The following SLC44A5 variants were observed in gnomAD, a reference collection of about 807,000 sequenced individuals.
SLC44A5 encodes the protein choline transporter-like protein 5.
A neutral mutation model predicts 101.8 loss-of-function variants in SLC44A5; 57 were observed. The ratio of observed to expected loss-of-function variants is 0.56; its 90% CI spans 0.45 to 0.70. The LOEUF is 0.70. Among genes scored for constraint, SLC44A5 ranks in the 30% least tolerant of loss-of-function variants. The pLI is 0.00. For synonymous variants in SLC44A5, 281 were observed against 290.9 expected, an observed-to-expected ratio of 0.97 and a Z score of 0.35; for missense variants, 737 against 853.1, an observed-to-expected ratio of 0.86 and a Z score of 1.70.
upstream of SLC44A5, among the ~76,000 whole-genome samples, chr1:75,615,436 TACACACACACACACAC>T (rs56337760): frequency 0.065 from 8,683 of 133,534 alleles, 326 homozygotes; most frequent in Middle Eastern, 0.13. Context: ...CACACATACA[TACACACACACACACAC>T]ACACACACAC....
chr1:75,512,935 A>C (rs546958864), intron 2 of SLC44A5, among the ~76,000 whole-genome samples: 14 of 152,344 alleles, frequency 9.2e-5, no homozygotes, highest in African/African-American at 3.4e-4. Flanking sequence ...TGGGCTGATC[A>C]TAGTATTCGG....
At chr1:75,528,959 C>T (rs540247344) in intron 2 of SLC44A5, among the ~76,000 whole-genome samples, 35 of 152,274 alleles carry the variant, frequency 2.3e-4, no homozygotes, top group African/African-American at 7.0e-4. Flanking sequence ...TTAAGCAACT[C>T]GCTTCTGTGT....
intron 2 of SLC44A5, among the ~76,000 whole-genome samples, chr1:75,408,923 C>T (rs1663091324): frequency 6.6e-6 from 1 of 152,042 alleles, no homozygotes; most frequent in Non-Finnish European, 1.5e-5. Context: ...AATGCCTTTC[C>T]TTACAGACCA....
chr1:75,684,579 C>G, the SLC44A5 span, among the ~76,000 whole-genome samples: 1 of 152,302 alleles, frequency 6.6e-6, no homozygotes, highest in East Asian at 1.9e-4. Context: ...CTACAGGCCC[C>G]ATGCAAGTCC....
intron 3 of SLC44A5, among the ~76,000 whole-genome samples, chr1:75,394,761 G>A (rs1416230074): frequency 3.9e-5 from 6 of 152,086 alleles, no homozygotes; most frequent in Admixed American, 1.3e-4. Context: ...AAAAAGAAGT[G>A]TAAATGTGGA....
intron 12 of SLC44A5, among the ~76,000 whole-genome samples, chr1:75,233,146 A>T (rs1647745084): frequency 6.6e-6 from 1 of 152,144 alleles, no homozygotes; most frequent in South Asian, 2.1e-4. Flanking sequence ...AGCTCACATT[A>T]TACCTGATAT....
intron 3 of SLC44A5, among the ~76,000 whole-genome samples, chr1:75,358,932 C>T (rs1659279753): frequency 6.6e-6 from 1 of 152,036 alleles, no homozygotes; most frequent in Admixed American, 6.6e-5. Context: ...TCTCAAAATC[C>T]TATTCTTCCT....
intron 2 of SLC44A5, among the ~76,000 whole-genome samples, chr1:75,486,178 T>C (rs1313357686): frequency 1.3e-5 from 2 of 152,242 alleles, no homozygotes; most frequent in Non-Finnish European, 2.9e-5. Context: ...TTTACAAGGC[T>C]CTATTCAAGA....
At chr1:75,388,969 C>G (rs1661600459) in intron 3 of SLC44A5, among the ~76,000 whole-genome samples, 1 of 151,756 alleles carries the variant, frequency 6.6e-6, no homozygotes, top group Admixed American at 6.6e-5. Flanking sequence ...TCCTGAATGA[C>G]TTTTGGGATA....
intron 2 of SLC44A5, among the ~76,000 whole-genome samples, chr1:75,468,437 G>A (rs760326873): frequency 6.6e-5 from 10 of 152,122 alleles, no homozygotes; most frequent in Non-Finnish European, 1.3e-4. Flanking sequence ...ATCAACAAAT[G>A]AGTAAATAAA....
At chr1:75,350,736 C>A (rs1463921733) in intron 3 of SLC44A5, among the ~76,000 whole-genome samples, 3 of 150,786 alleles carry the variant, frequency 2.0e-5, no homozygotes, top group Admixed American at 1.3e-4. Context: ...TTACTAAAGA[C>A]ACAAAAAATG....
At chr1:75,619,616 T>C in the SLC44A5 span, among the ~76,000 whole-genome samples, 3 of 152,090 alleles carry the variant, frequency 2.0e-5, no homozygotes, top group Non-Finnish European at 4.4e-5. Flanking sequence ...GCCAATAATA[T>C]GTAGACTATG....
chr1:75,283,062 G>A (rs916108866), intron 5 of SLC44A5, among the ~76,000 whole-genome samples: 3 of 152,256 alleles, frequency 2.0e-5, no homozygotes, highest in African/African-American at 7.2e-5. Context: ...TCTACTTTTA[G>A]TTCTTTAAGG....
chr1:75,457,606 T>G (rs2101681983), intron 2 of SLC44A5, among the ~76,000 whole-genome samples: 1 of 152,208 alleles, frequency 6.6e-6, no homozygotes, highest in East Asian at 1.9e-4. Flanking sequence ...TCTTGTAATC[T>G]CAGCACTTTG....
chr1:75,525,194 A>G (rs778365500), intron 2 of SLC44A5, among the ~76,000 whole-genome samples: 1 of 152,206 alleles, frequency 6.6e-6, no homozygotes, highest in Non-Finnish European at 1.5e-5. Context: ...GGTATTAACC[A>G]ACAAGTTAGT....
intron 3 of SLC44A5, among the ~76,000 whole-genome samples, chr1:75,343,804 C>A (rs1658054944): frequency 6.6e-6 from 1 of 152,030 alleles, no homozygotes; most frequent in Non-Finnish European, 1.5e-5. Flanking sequence ...TTAAAACATG[C>A]TTTATAGTAT....
At chr1:75,495,595 C>T (rs1351741132) in intron 2 of SLC44A5, among the ~76,000 whole-genome samples, 1 of 151,590 alleles carries the variant, frequency 6.6e-6, no homozygotes, top group Non-Finnish European at 1.5e-5. Flanking sequence ...AATACAATAA[C>T]TGAAAAATTT....
At chr1:75,620,280 C>T in the SLC44A5 span, among the ~76,000 whole-genome samples, 1 of 152,264 alleles carries the variant, frequency 6.6e-6, no homozygotes, top group East Asian at 1.9e-4. Context: ...GTGAACAGTG[C>T]TGCAATAAAC....
At chr1:75,443,065 G>A (rs1166610043) in intron 2 of SLC44A5, among the ~76,000 whole-genome samples, 2 of 152,112 alleles carry the variant, frequency 1.3e-5, no homozygotes, top group East Asian at 3.9e-4. Context: ...AGCTGTGAAA[G>A]CAATACTTTG....
Sources: gnomAD v4.1 joint callset for allele counts (sites outside exome capture counted in the v4.1 genomes callset) on GRCh38, gnomAD v4.1.1 for gene constraint, MANE v1.5 for transcripts, NCBI Gene and HGNC (gene_info 2026-07-23, HGNC 2026-07-21) for gene names.